The following CNTNAP2 variants were observed in gnomAD, a reference collection of about 807,000 sequenced individuals.
The protein encoded by CNTNAP2 is contactin associated protein 2.
In CNTNAP2, 98 loss-of-function variants were observed where a neutral mutation model predicts 155.2. The ratio of observed to expected loss-of-function variants is 0.63; its 90% CI spans 0.54 to 0.75. CNTNAP2 has a LOEUF of 0.75. Among genes scored for constraint, CNTNAP2 ranks in the 30% least tolerant of loss-of-function variants. CNTNAP2 has a pLI of 0.00. For synonymous variants in CNTNAP2, 651 were observed against 631.2 expected (o/e 1.03, Z -0.47); for missense variants, 1,727 against 1,688.1 (o/e 1.02, Z -0.40).
At chr7:148,342,912 T>A (rs1164878766) in intron 21 of CNTNAP2, among the ~76,000 whole-genome samples, 1 of 152,210 alleles carries the variant, frequency 6.6e-6, no homozygotes, top group Non-Finnish European at 1.5e-5. Context: ...GAAGTTGCCT[T>A]CCAACAAGAA....
intron 8 of CNTNAP2, chr7:147,146,240 T>G (rs1459635164): frequency 6.5e-6 from 1 of 153,230 alleles, no homozygotes; most frequent in Non-Finnish European, 1.5e-5. Flanking sequence ...TGTTCTTCCG[T>G]CTCTCTCCTC....
At chr7:148,231,185 C>T (rs912824487) in intron 20 of CNTNAP2, among the ~76,000 whole-genome samples, 1 of 152,192 alleles carries the variant, frequency 6.6e-6, no homozygotes, top group Admixed American at 6.5e-5. Context: ...CCCTCACTCT[C>T]TGCCACAGTG....
intron 11 of CNTNAP2, among the ~76,000 whole-genome samples, chr7:147,527,387 A>G (rs2116718407): frequency 6.6e-6 from 1 of 152,286 alleles, no homozygotes; most frequent in South Asian, 2.1e-4. Flanking sequence ...CTTAGAGAGC[A>G]TACCCAAGGT....
intron 1 of CNTNAP2, among the ~76,000 whole-genome samples, chr7:146,162,857 G>T (rs989493323): frequency 1.3e-5 from 2 of 152,150 alleles, no homozygotes; most frequent in African/African-American, 4.8e-5. Context: ...GTCCTTTGAA[G>T]GGACATGGAT....
At chr7:146,374,856 A>T (rs942664108) in intron 1 of CNTNAP2, among the ~76,000 whole-genome samples, 1 of 152,172 alleles carries the variant, frequency 6.6e-6, no homozygotes, top group Non-Finnish European at 1.5e-5. Flanking sequence ...TTTACAACTA[A>T]GTAAGTGAAT....
chr7:148,395,404 C>A (rs1260130112), intron 22 of CNTNAP2, among the ~76,000 whole-genome samples: 3 of 151,904 alleles, frequency 2.0e-5, no homozygotes, highest in Admixed American at 6.6e-5. Context: ...CTGCCCCAGC[C>A]CCGCCTCCAG....
chr7:147,575,335 G>GAGAGA (rs1800373545), intron 12 of CNTNAP2, among the ~76,000 whole-genome samples: 1 of 146,948 alleles, frequency 6.8e-6, no homozygotes, highest in Non-Finnish European at 1.5e-5. Context: ...GTGTGTGTGT[G>GAGAGA]TGTGAGAGAC....
At chr7:146,299,123 T>C (rs1453814789) in intron 1 of CNTNAP2, among the ~76,000 whole-genome samples, 1 of 151,570 alleles carries the variant, frequency 6.6e-6, no homozygotes, top group Non-Finnish European at 1.5e-5. Context: ...AATACAAAAT[T>C]AGCCAGGTGT....
intron 3 of CNTNAP2, among the ~76,000 whole-genome samples, chr7:146,995,376 G>A (rs900512290): frequency 6.6e-6 from 1 of 151,950 alleles, no homozygotes; most frequent in African/African-American, 2.4e-5. Flanking sequence ...AGATCATGCG[G>A]TAGTTCAATA....
chr7:147,320,277 G>A (rs1795324860), intron 9 of CNTNAP2, among the ~76,000 whole-genome samples: 1 of 152,164 alleles, frequency 6.6e-6, no homozygotes, highest in Non-Finnish European at 1.5e-5. Context: ...GTCAGCCAGA[G>A]CTTAGTCCTG....
In CNTNAP2 at chr7:147,919,480, A is replaced by C. The variant is rs1195182373; in HGVS notation, c.2255+15759A>C. On this transcript the variant is annotated intron_variant, in intron 14 of 23. Coordinates refer to ENST00000361727, the MANE Select transcript of CNTNAP2 (RefSeq NM_014141.6). ...CTTTCTTTTTTTTTTTTTTTTTGAG[A>C]CAGAGTCTTGCTCTGTCTCCCAGGC... Among the ~76,000 whole-genome samples the C allele has an allele frequency of 2.2e-4, 3 of 13,680 alleles. 1 individual carries two copies. In the Admixed American group the frequency reaches 3.8e-3, roughly 17 times the overall value. The allele number at this position is 13,680 out of a possible 152,430, so 9.0% of individuals were successfully genotyped here.
chr7:147,062,221 T>A (rs1799697651), intron 4 of CNTNAP2, among the ~76,000 whole-genome samples: 1 of 141,068 alleles, frequency 7.1e-6, no homozygotes. Flanking sequence ...GTACCTACAA[T>A]CTATATTTTC....
intron 1 of CNTNAP2, among the ~76,000 whole-genome samples, chr7:146,267,563 C>T (rs1800015770): frequency 6.6e-6 from 1 of 152,120 alleles, no homozygotes. Flanking sequence ...GTGATTAGTT[C>T]ATGGAGTTAG....
At chr7:147,587,955 T>C (rs1357983844) in intron 12 of CNTNAP2, among the ~76,000 whole-genome samples, 1 of 152,124 alleles carries the variant, frequency 6.6e-6, no homozygotes, top group Non-Finnish European at 1.5e-5. Context: ...CATGGACAAA[T>C]AAATTTGCTT....
intron 9 of CNTNAP2, among the ~76,000 whole-genome samples, chr7:147,310,799 A>G (rs937935185): frequency 6.6e-6 from 1 of 152,228 alleles, no homozygotes; most frequent in Non-Finnish European, 1.5e-5. Context: ...ATTGCAATAG[A>G]TACAGGGACC....
chr7:146,269,127 G>A (rs943540422), intron 1 of CNTNAP2, among the ~76,000 whole-genome samples: 7 of 152,054 alleles, frequency 4.6e-5, no homozygotes, highest in African/African-American at 1.7e-4. Context: ...AGGTCACGAG[G>A]TCAGGAGATC....
intron 10 of CNTNAP2, among the ~76,000 whole-genome samples, chr7:147,435,764 A>G (rs1797539300): frequency 6.6e-6 from 1 of 152,134 alleles, no homozygotes; most frequent in Admixed American, 6.5e-5. Context: ...TGAGGCAGGT[A>G]TTTATATTCT....
At chr7:147,892,092 G>A (rs1799705970) in intron 13 of CNTNAP2, among the ~76,000 whole-genome samples, 1 of 150,972 alleles carries the variant, frequency 6.6e-6, no homozygotes, top group Admixed American at 6.6e-5. Context: ...ATTGATTCAT[G>A]CAAAAAAAAA....
intron 10 of CNTNAP2, among the ~76,000 whole-genome samples, chr7:147,472,146 A>G (rs1563217717): frequency 6.6e-6 from 1 of 151,888 alleles, no homozygotes; most frequent in Non-Finnish European, 1.5e-5. Flanking sequence ...GCAAAAACAT[A>G]CAAGAGCTCA....
Sources: allele counts gnomAD v4.1 joint callset (sites outside exome capture counted in the v4.1 genomes callset), GRCh38; gene constraint gnomAD v4.1.1; transcripts MANE v1.5; gene names NCBI Gene and HGNC (gene_info 2026-07-23, HGNC 2026-07-21).